Variants in RIMS1 observed in about 807,000 individuals in gnomAD.
RIMS1 encodes the protein regulating synaptic membrane exocytosis protein 1.
Under a neutral mutation model 214.1 loss-of-function variants are expected in RIMS1, and 83 were observed. The ratio of observed to expected loss-of-function variants is 0.39; its 90% CI spans 0.32 to 0.47. The LOEUF is 0.47. Ranked by LOEUF, RIMS1 falls within the 20% of genes least tolerant of loss-of-function variation. The probability of loss-of-function intolerance (pLI) is 0.99; values close to 1 mark genes in which losing one functional copy is unlikely to be tolerated. For missense variants in RIMS1, 2,050 were observed against 2,161.8 expected (o/e 0.95, Z 1.03); for synonymous variants, 793 against 786.8 (o/e 1.01, Z -0.13).
intron 2 of RIMS1, among the ~76,000 whole-genome samples, chr6:71,983,520 T>G (rs1202614598): frequency 6.6e-6 from 1 of 152,212 alleles, no homozygotes; most frequent in Non-Finnish European, 1.5e-5. Flanking sequence ...ATGACTTTTT[T>G]CTTTTGAGAA....
At chr6:72,111,401 G>T (rs576962968) in intron 4 of RIMS1, among the ~76,000 whole-genome samples, 2 of 152,080 alleles carry the variant, frequency 1.3e-5, no homozygotes, top group African/African-American at 4.8e-5. Context: ...ACAAAATTTT[G>T]TTGATAGCAG....
chr6:71,963,149 G>A (rs578175896), intron 1 of RIMS1, among the ~76,000 whole-genome samples: 1 of 152,146 alleles, frequency 6.6e-6, no homozygotes, highest in Non-Finnish European at 1.5e-5. Flanking sequence ...TAACTTCACA[G>A]TTGATGTTTA....
intron 4 of RIMS1, 197 bp from the exon 5 acceptor site, chr6:72,179,378 T>C: frequency 3.2e-6 from 2 of 627,998 alleles, no homozygotes; most frequent in Non-Finnish European, 5.7e-6. Context: ...TGAGAGGCTC[T>C]CTAGTCTCAG....
chr6:72,095,045 G>T (rs553532675), intron 2 of RIMS1, among the ~76,000 whole-genome samples: 1 of 150,938 alleles, frequency 6.6e-6, no homozygotes, highest in African/African-American at 2.4e-5. Context: ...TCTACCTCCC[G>T]GGTTCATGCC....
chr6:71,993,217 A>C (rs1562053143), intron 2 of RIMS1, among the ~76,000 whole-genome samples: 2 of 152,196 alleles, frequency 1.3e-5, no homozygotes, highest in African/African-American at 2.4e-5. Context: ...CATCATTTTA[A>C]AAGAGAGAAA....
At chr6:72,387,176 GATGA>G (rs1306308969) in intron 29 of RIMS1, among the ~76,000 whole-genome samples, 1 of 151,886 alleles carries the variant, frequency 6.6e-6, no homozygotes, top group Non-Finnish European at 1.5e-5. Context: ...TTGTAGGATA[GATGA>G]ATGAACAAAA....
At chr6:71,960,840 C>T (rs1445145100) in intron 1 of RIMS1, among the ~76,000 whole-genome samples, 3 of 152,036 alleles carry the variant, frequency 2.0e-5, no homozygotes, top group African/African-American at 7.2e-5. Flanking sequence ...CTGCCCTACC[C>T]AGGCCTACCC....
rs577515795 is a variant in RIMS1 at position 71,947,476 on chromosome 6, C to T, written c.165-21507C>T. Among the ~76,000 whole-genome samples, 20 of 152,132 alleles carry T rather than the reference C, an allele frequency of 1.3e-4. 1 individual carries two copies. In the South Asian group the frequency reaches 2.3e-3, roughly 17 times the overall value. ...AAAAGACAAATACCGCATGATTTCA[C>T]TTATATGTGGAGTGTAAAAGTCAAA... On this transcript the variant is annotated intron_variant, in intron 1 of 33. Transcript: ENST00000521978.
chr6:72,359,218 C>T (rs2097746103), intron 29 of RIMS1, among the ~76,000 whole-genome samples: 1 of 152,282 alleles, frequency 6.6e-6, no homozygotes, highest in Admixed American at 6.5e-5. Context: ...ATGGTGGATC[C>T]TTGCACCAAT....
intron 28 of RIMS1, among the ~76,000 whole-genome samples, chr6:72,316,001 A>C (rs924924661): frequency 6.6e-6 from 1 of 152,156 alleles, no homozygotes; most frequent in Non-Finnish European, 1.5e-5. Flanking sequence ...TAATGATAGA[A>C]TATATTTACA....
chr6:72,300,294 C>T (rs2094488101), intron 26 of RIMS1, among the ~76,000 whole-genome samples: 1 of 151,740 alleles, frequency 6.6e-6, no homozygotes, highest in Non-Finnish European at 1.5e-5. Flanking sequence ...ACACAACTTG[C>T]AAGAGAGACC....
intron 29 of RIMS1, among the ~76,000 whole-genome samples, chr6:72,340,158 T>A (rs1177765332): frequency 6.6e-6 from 1 of 152,040 alleles, no homozygotes. Flanking sequence ...TAAATTTGTT[T>A]GAGTTCATTG....
chr6:72,062,122 T>C (rs1400725002), intron 2 of RIMS1, among the ~76,000 whole-genome samples: 8 of 152,196 alleles, frequency 5.3e-5, no homozygotes, highest in African/African-American at 1.7e-4. Flanking sequence ...TTTGAAAATG[T>C]TTTCAAATTC....
chr6:72,193,519 T>A (rs1248858151), intron 6 of RIMS1, among the ~76,000 whole-genome samples: 4 of 152,200 alleles, frequency 2.6e-5, no homozygotes, highest in Non-Finnish European at 5.9e-5. Flanking sequence ...TATTTCAAAC[T>A]TAATTAGAAA....
At chr6:72,113,636 T>C (rs1587317335) in intron 4 of RIMS1, among the ~76,000 whole-genome samples, 1 of 151,508 alleles carries the variant, frequency 6.6e-6, no homozygotes, top group South Asian at 2.1e-4. Flanking sequence ...ACTTTTTTAG[T>C]AAATATATTC....
At chr6:72,109,691 A>G (rs1489692851) in intron 4 of RIMS1, among the ~76,000 whole-genome samples, 1 of 152,104 alleles carries the variant, frequency 6.6e-6, no homozygotes, top group East Asian at 1.9e-4. Flanking sequence ...GCTGTGCAGA[A>G]GCTCTTTAGT....
intron 26 of RIMS1, among the ~76,000 whole-genome samples, chr6:72,298,098 C>A (rs1272137942): frequency 1.3e-5 from 2 of 151,976 alleles, no homozygotes; most frequent in Non-Finnish European, 2.9e-5. Flanking sequence ...AGATGCAAGA[C>A]TTTCAGTGCT....
rs1416056285 is a variant in RIMS1, at chr6:72,262,647, ATTAAT to A, written c.3116+1884_3116+1888del. On this transcript the variant is annotated intron_variant, in intron 19 of 33. Coordinates refer to ENST00000521978, the MANE Select transcript of RIMS1 (RefSeq NM_014989.7). ...TTTATATTCATGTATTTATAAAAAC[ATTAAT>A]TTATATCTGTATAAAAATGAATGTC... 4 of 883,864 alleles carry A rather than the reference ATTAAT, an allele frequency of 4.5e-6. No individual in the cohort carries two copies. In the East Asian group the frequency reaches 3.6e-4, roughly 80 times the overall value. 54.8% of individuals were successfully genotyped at this position (883,864 alleles called of 1,614,324 possible). A position where few individuals can be genotyped will look rare whatever the true frequency, so the allele number is the denominator to read the frequency against.
chr6:71,991,204 A>C (rs527439872), intron 2 of RIMS1, among the ~76,000 whole-genome samples: 1 of 152,248 alleles, frequency 6.6e-6, no homozygotes, highest in Non-Finnish European at 1.5e-5. Context: ...CTTCCTTTAA[A>C]TTGCAGACTT....
Sources: allele counts gnomAD v4.1 joint callset (sites outside exome capture counted in the v4.1 genomes callset), GRCh38; gene constraint gnomAD v4.1.1; transcripts MANE v1.5; gene names NCBI Gene and HGNC (gene_info 2026-07-23, HGNC 2026-07-21).